The following OTOF variants were observed in gnomAD, a reference collection of about 807,000 sequenced individuals.
The protein encoded by OTOF is otoferlin.
OTOF carries 218 observed loss-of-function variants against 236.8 expected under a neutral mutation model. The observed-to-expected ratio is 0.92, with a 90% CI of 0.82 to 1.03. The LOEUF (loss-of-function observed/expected upper bound fraction) is 1.03. Among genes scored for constraint, OTOF ranks in the 50% least tolerant of loss-of-function variants. The pLI, the probability that OTOF is intolerant of heterozygous loss-of-function variation, is 0.00. For missense variants in OTOF, 2,590 were observed against 2,694.4 expected (o/e 0.96, Z 0.86); for synonymous variants, 1,041 against 1,072.5 (o/e 0.97, Z 0.57).
chr2:26,528,107 C>G (rs533615559), intron 2 of OTOF, among the ~76,000 whole-genome samples, 187 bp from the exon 3 acceptor site: 1 of 152,146 alleles, frequency 6.6e-6, no homozygotes. Context: ...CTTGTAGAGC[C>G]GGCATTGTTG....
At chr2:26,527,567 G>T (rs143988521) in intron 3 of OTOF, among the ~76,000 whole-genome samples, 11 of 152,334 alleles carry the variant, frequency 7.2e-5, no homozygotes, top group South Asian at 4.1e-4. Context: ...AGCTTTGATG[G>T]GGTTGGAGAC....
chr2:26,516,597 G>A lies in OTOF; in HGVS notation c.330C>T (p.Thr110=). 2 of 1,604,872 alleles carry A rather than the reference G, an allele frequency of 1.2e-6. No homozygotes were observed. The highest frequency in any genetic ancestry group is 1.1e-5 in the South Asian group (1 of 91,084). The change falls in exon 5 of 47, where the codon ACC becomes ACT. Residue 110 remains threonine, a splice_region_variant and synonymous_variant. Transcript: ENST00000272371. The part of the protein sequence containing the change: ...LIDDNNAIIK[T]SLCVEVRYQA... ...GATACCGGACCTCCACGCACAGGCT[G>A]GTCTGAAGGGAGGGAGGCGGTGGTG... is the stretch of plus-strand genomic sequence containing the variant.
chr2:26,535,633 C>G (rs1459732980), intron 2 of OTOF, among the ~76,000 whole-genome samples: 2 of 152,176 alleles, frequency 1.3e-5, no homozygotes, highest in Non-Finnish European at 2.9e-5. Flanking sequence ...TCTTCCATAA[C>G]TGCTTCTGCC....
intron 30 of OTOF, among the ~76,000 whole-genome samples, chr2:26,471,451 C>T (rs1212115867): frequency 6.6e-6 from 1 of 152,164 alleles, no homozygotes; most frequent in African/African-American, 2.4e-5. Flanking sequence ...ACACCCAACC[C>T]CCAGATGGCA....
rs773159159 is a variant in OTOF at position 26,495,093 on chromosome 2, G to A, written c.766-20C>T. 70 of 1,613,810 alleles carry A rather than the reference G, an allele frequency of 4.3e-5. No individual in the cohort carries two copies. The highest frequency in any genetic ancestry group is 5.8e-5 in the Non-Finnish European group (69 of 1,179,990). On this transcript the variant is annotated intron_variant, in intron 8 of 46. Transcript: ENST00000272371. ...GCTGACCTGCAGGCAGGAGAAGGGG[G>A]AGCCAGAAGGAAAGCTGCCTGAGCC... is the stretch of plus-strand genomic sequence containing the variant.
intron 1 of OTOF, among the ~76,000 whole-genome samples, chr2:26,548,911 C>T (rs1266307283): frequency 6.6e-6 from 1 of 152,122 alleles, no homozygotes; most frequent in African/African-American, 2.4e-5. Context: ...TGAGGTTATA[C>T]AGTATGTGGT....
rs769364257 is a variant in OTOF at position 26,516,644 on chromosome 2, A to C, written c.328-45T>G. 2.5e-6 allele frequency: 4 copies of C among 1,583,356 alleles called. No individual in the cohort carries two copies. The South Asian group carries it at 4.4e-5, about 17-fold the overall frequency. ...GGTGAGCAGCTGGGATGGTGACAGC[A>C]ATCTCCACCCCGTATATGTGGCTGC... is the stretch of plus-strand genomic sequence containing the variant. On this transcript the variant is annotated intron_variant, in intron 4 of 46. Transcript: ENST00000272371.
intron 32 of OTOF, 97 bp from the exon 33 acceptor site, chr2:26,468,571 G>A (rs1380725549): frequency 4.5e-6 from 4 of 892,642 alleles, no homozygotes; most frequent in South Asian, 3.9e-5. Context: ...TAATGCACTA[G>A]AAGTAGAAAA....
rs1665246321 is a variant in OTOF, at chr2:26,476,054, G to A, written c.2867-16C>T. On this transcript the variant is annotated splice_polypyrimidine_tract_variant and intron_variant, in intron 23 of 46. Coordinates refer to ENST00000272371, the MANE Select transcript of OTOF (RefSeq NM_194248.3). ...GCCTGCTTCTCTGTGGGGAAGGGCA[G>A]CCTGAGGTTCCAGGATGGGCAGCCC... The A allele has an allele frequency of 6.2e-7, 1 of 1,612,430 alleles. No individual in the cohort carries two copies. Among genetic ancestry groups the A allele is most frequent in the Non-Finnish European group, 8.5e-7 (1 of 1,179,836 alleles).
intron 3 of OTOF, among the ~76,000 whole-genome samples, chr2:26,524,106 C>G (rs1333302566): frequency 6.6e-6 from 1 of 152,268 alleles, no homozygotes; most frequent in African/African-American, 2.4e-5. Flanking sequence ...TGGGCCTCCC[C>G]TTGTGGGGTT....
chr2:26,483,603 G>A lies in OTOF; in HGVS notation c.1251C>T (p.Ala417=). 3.7e-6 allele frequency: 6 copies of A among 1,613,396 alleles called. No individual in the cohort carries two copies. The highest frequency in any genetic ancestry group is 5.1e-6 in the Non-Finnish European group (6 of 1,180,010). The change falls in exon 13 of 47, where the codon GCC becomes GCT. Residue 417 remains alanine (A), a synonymous_variant. Coordinates refer to ENST00000272371, the MANE Select transcript of OTOF (RefSeq NM_194248.3). ...PEGVPPERQW[A]RFYVKIYRAE... ...CTCGGTAAATTTTCACATAGAACCGGGCCCACTGGCGTTCGGGGGGCACCC... is the reference window on the plus strand; with the variant it reads ...CTCGGTAAATTTTCACATAGAACCGAGCCCACTGGCGTTCGGGGGGCACCC...
chr2:26,499,335 C>A (rs1320463580), intron 8 of OTOF, among the ~76,000 whole-genome samples: 1 of 152,076 alleles, frequency 6.6e-6, no homozygotes. Flanking sequence ...AGTGCCATAA[C>A]CTTTAGAATG....
chr2:26,463,016 A>T (rs1664551832), intron 41 of OTOF, among the ~76,000 whole-genome samples: 1 of 152,128 alleles, frequency 6.6e-6, no homozygotes, highest in Non-Finnish European at 1.5e-5. Flanking sequence ...CTCCAAAGAA[A>T]ACTTGGCGGA....
intron 5 of OTOF, among the ~76,000 whole-genome samples, chr2:26,510,972 C>G (rs1487333859): frequency 1.3e-5 from 2 of 152,236 alleles, no homozygotes; most frequent in Non-Finnish European, 2.9e-5. Flanking sequence ...GAGGGGCCCA[C>G]AGTGCTGGGC....
chr2:26,461,064 AGGGCTGGGGTGGGGCGGGGTG>A lies in OTOF; in HGVS notation c.5534-55_5534-35del. 3.9e-6 allele frequency: 1 copy of A among 254,626 alleles called. No homozygotes were observed. Among genetic ancestry groups the A allele is most frequent in the Non-Finnish European group, 7.3e-6 (1 of 136,630 alleles). The allele number at this position is 254,626 out of a possible 1,614,324, so 15.8% of individuals were successfully genotyped here. ...ACCTCAGTGTCAGCTCAGAGTGAACAGGGCTGGGGTGGGGCGGGGTGGGGGTGGGGGTCTGGGCTCCTCGGC... is the reference window on the plus strand; with the variant it reads ...ACCTCAGTGTCAGCTCAGAGTGAACAGGGGTGGGGGTCTGGGCTCCTCGGC... On this transcript the variant is annotated intron_variant, in intron 43 of 46. Coordinates refer to ENST00000272371, the MANE Select transcript of OTOF (RefSeq NM_194248.3). This position sits in a 1 kb window ranked among gnomAD's most constrained non-coding sequence, Gnocchi z 6.2.
rs1433581520 is a variant in OTOF, at chr2:26,477,050, G to T, written c.2524-7C>A. ...CGGGAATGCTGTGCTGGGGCTGGGG[G>T]TTGGGGGGTGGCCAGGGGCAGTGGG... On this transcript the variant is annotated splice_polypyrimidine_tract_variant and splice_region_variant and intron_variant, in intron 21 of 46. Transcript: ENST00000272371. The surrounding 1 kb of genome is among the most constrained non-coding windows in gnomAD (Gnocchi z 4.7). The T allele has an allele frequency of 1.3e-6, 2 of 1,526,766 alleles. No individual in the cohort carries two copies. Among genetic ancestry groups the T allele is most frequent in the Non-Finnish European group, 1.8e-6 (2 of 1,120,502 alleles). The allele number at this position is 1,526,766 out of a possible 1,614,324, so 94.6% of individuals were successfully genotyped here.
chr2:26,540,587 T>C (rs1667189118), intron 1 of OTOF, among the ~76,000 whole-genome samples: 1 of 152,146 alleles, frequency 6.6e-6, no homozygotes, highest in South Asian at 2.1e-4. Flanking sequence ...TCCAGGGTCC[T>C]AGCAACTTTT....
chr2:26,513,193 T>A (rs534057401), intron 5 of OTOF, among the ~76,000 whole-genome samples: 5 of 152,104 alleles, frequency 3.3e-5, no homozygotes, highest in Admixed American at 6.5e-5. Flanking sequence ...AGGAACGGGG[T>A]AACTTCATGG....
Position 26,474,580 on chromosome 2 carries a change from T to C in OTOF, c.3221A>G (p.Glu1074Gly), listed in dbSNP as rs984041935. 6 of 1,613,222 alleles carry C rather than the reference T, an allele frequency of 3.7e-6. No individual in the cohort carries two copies. The highest frequency in any genetic ancestry group is 5.1e-6 in the Non-Finnish European group (6 of 1,179,998). ...YCPPRFPPQLEYYQIYRGNAT... is the reference protein window; with the variant it reads ...YCPPRFPPQLGYYQIYRGNAT... ...GTTGCCACGGTAGATCTGGTAGTAC[T>C]CGAGCTGAGGTGGGAAGCGGGGTGG... The change falls in exon 26 of 47, where the codon GAG (glutamate) becomes GGG (glycine). Residue 1074 changes from glutamate to glycine, a missense_variant. By Grantham distance (98) the Glu-to-Gly change is moderately conservative. Around this residue, in one of 2 missense-constraint regions of OTOF, gnomAD observed 1,211 missense variants for 1,352.8 expected, o/e 0.90. Coordinates refer to ENST00000272371, the MANE Select transcript of OTOF (RefSeq NM_194248.3).
Sources: gnomAD v4.1 joint callset for allele counts (sites outside exome capture counted in the v4.1 genomes callset) on GRCh38, gnomAD v4.1.1 for gene constraint, gnomAD v4.1.1 regional missense constraint, Gnocchi (gnomAD v3.1) non-coding constraint, MANE v1.5 for transcripts, NCBI Gene and HGNC (gene_info 2026-07-23, HGNC 2026-07-21) for gene names.